PLCB4: variants seen among roughly 807,000 people sequenced by gnomAD.
PLCB4 encodes 1-phosphatidylinositol 4,5-bisphosphate phosphodiesterase beta-4.
PLCB4 carries 77 observed loss-of-function variants against 178.8 expected under a neutral mutation model. That is an observed-to-expected ratio of 0.43 (90% CI 0.36 to 0.52). PLCB4 has a LOEUF of 0.52. Ranked by LOEUF, PLCB4 falls within the 20% of genes least tolerant of loss-of-function variation. The pLI is 0.00. For missense variants in PLCB4, 1,024 were observed against 1,453.4 expected (o/e 0.70, Z 4.80); for synonymous variants, 496 against 490.8 (o/e 1.01, Z -0.14).
chr20:9,455,032 A>C (rs1242058001), intron 33 of PLCB4, among the ~76,000 whole-genome samples: 1 of 152,216 alleles, frequency 6.6e-6, no homozygotes, highest in Non-Finnish European at 1.5e-5. Flanking sequence ...GGTAGTGATT[A>C]CAGTAAGTTT....
At chr20:9,138,565 C>A (rs2092428965) in intron 2 of PLCB4, among the ~76,000 whole-genome samples, 1 of 152,016 alleles carries the variant, frequency 6.6e-6, no homozygotes, top group Non-Finnish European at 1.5e-5. Context: ...ACTAAATTTG[C>A]CATTACACAA....
At chr20:9,147,865 T>A (rs1192907342) in intron 2 of PLCB4, among the ~76,000 whole-genome samples, 2 of 151,952 alleles carry the variant, frequency 1.3e-5, no homozygotes, top group African/African-American at 4.8e-5. Context: ...GGAGGGAGAA[T>A]TGTGCTCTTT....
chr20:9,137,203 C>G (rs1189236634), intron 2 of PLCB4, among the ~76,000 whole-genome samples: 1 of 152,100 alleles, frequency 6.6e-6, no homozygotes, highest in East Asian at 1.9e-4. Context: ...GGTAAATAAC[C>G]TCTTATTAAA....
At chr20:9,327,339 C>CATG (rs2030791132) in intron 4 of PLCB4, among the ~76,000 whole-genome samples, 1 of 151,472 alleles carries the variant, frequency 6.6e-6, no homozygotes, top group African/African-American at 2.4e-5. Flanking sequence ...CCTAGCTACT[C>CATG]ATGAGGCTGA....
At chr20:9,077,250 G>A (rs1365806877) in intron 1 of PLCB4, among the ~76,000 whole-genome samples, 1 of 152,146 alleles carries the variant, frequency 6.6e-6, no homozygotes, top group African/African-American at 2.4e-5. Context: ...AAAGATTCAA[G>A]ATCTTTGTTC....
Position 9,362,963 on chromosome 20 carries a change from G to A in PLCB4, c.437G>A (p.Cys146Tyr), listed in dbSNP as rs2035475071. The change falls in exon 8 of 40, where the codon TGC (cysteine) becomes TAC (tyrosine). Residue 146 changes from cysteine (C) to tyrosine (Y), a missense_variant. Around this residue, in one of 7 missense-constraint regions of PLCB4, gnomAD observed 225 missense variants for 291.0 expected, o/e 0.77. Coordinates refer to ENST00000378473, the MANE Select transcript of PLCB4 (RefSeq NM_001377142.1). The part of the protein sequence containing the change: ...FRANNVSPMT[C>Y]LKKHWMKLAF... ...GCCAACAACGTCAGTCCAATGACAT[G>A]CCTCAAGAAACAGTGAGTGTTGTTT... The A allele has an allele frequency of 1.2e-6, 2 of 1,608,972 alleles. No homozygotes were observed. The highest frequency in any genetic ancestry group is 4.5e-5 in the East Asian group (2 of 44,842).
intron 3 of PLCB4, among the ~76,000 whole-genome samples, chr20:9,304,803 CT>C (rs1568555297): frequency 6.6e-6 from 1 of 150,654 alleles, no homozygotes; most frequent in South Asian, 2.1e-4. Flanking sequence ...CACCTGTTTT[CT>C]TTTTTTCTTA....
rs77005093 is a variant in PLCB4, at chr20:9,247,062, C to T, written c.-16+29610C>T. Among the ~76,000 whole-genome samples, 936 of 152,090 alleles carry T rather than the reference C, an allele frequency of 6.2e-3. 33 individuals carry two copies. The East Asian group carries it at 0.071, about 12-fold the overall frequency. On this transcript the variant is annotated intron_variant, in intron 3 of 39. Coordinates refer to ENST00000378473, the MANE Select transcript of PLCB4 (RefSeq NM_001377142.1). Reference sequence around the variant, plus strand: ...ATTTCAAAGTAGTGATGACAGTACCCAGCATATTAAGATACTTCAACATCA... The same window carrying T: ...ATTTCAAAGTAGTGATGACAGTACCTAGCATATTAAGATACTTCAACATCA...
intron 3 of PLCB4, among the ~76,000 whole-genome samples, chr20:9,272,415 C>A (rs1364080127): frequency 6.6e-6 from 1 of 151,922 alleles, no homozygotes; most frequent in Non-Finnish European, 1.5e-5. Context: ...AATCAGAAGT[C>A]TAAAATGGGG....
At chr20:9,401,306 C>T (rs1033009301) in intron 19 of PLCB4, among the ~76,000 whole-genome samples, 184 bp from the exon 20 acceptor site, 11 of 152,090 alleles carry the variant, frequency 7.2e-5, no homozygotes, top group African/African-American at 2.2e-4. Flanking sequence ...TGCTCCTTGA[C>T]GTTGAATAGG....
At chr20:9,314,871 A>ATT in intron 4 of PLCB4, among the ~76,000 whole-genome samples, 1 of 149,784 alleles carries the variant, frequency 6.7e-6, no homozygotes, top group Non-Finnish European at 1.5e-5. Flanking sequence ...AGGGTAGAGG[A>ATT]ATTTTTTTTT....
chr20:9,394,271 A>T (rs2148430362), intron 18 of PLCB4, among the ~76,000 whole-genome samples: 1 of 152,302 alleles, frequency 6.6e-6, no homozygotes, highest in Non-Finnish European at 1.5e-5. Context: ...TAAATGAAAA[A>T]TTTTAAATTA....
At chr20:9,352,270 G>A (rs929499738) in intron 7 of PLCB4, among the ~76,000 whole-genome samples, 2 of 152,132 alleles carry the variant, frequency 1.3e-5, no homozygotes, top group Non-Finnish European at 2.9e-5. Flanking sequence ...GTGAATATAG[G>A]CATTAATGTA....
intron 33 of PLCB4, 119 bp from the exon 34 acceptor site, chr20:9,457,295 G>A (rs2043114213): frequency 1.5e-6 from 1 of 670,924 alleles, no homozygotes; most frequent in Non-Finnish European, 2.7e-6. Context: ...TGCCCAATGA[G>A]CCATGACATC....
intron 2 of PLCB4, among the ~76,000 whole-genome samples, chr20:9,130,112 G>A (rs13041524): frequency 0.11 from 16,917 of 152,142 alleles, 1,174 homozygotes; most frequent in South Asian, 0.26. Flanking sequence ...AGATGAAAAT[G>A]CAATGCAGCC....
At chr20:9,428,554 C>G (rs1299291824) in intron 28 of PLCB4, among the ~76,000 whole-genome samples, 2 of 152,108 alleles carry the variant, frequency 1.3e-5, no homozygotes, top group Non-Finnish European at 2.9e-5. Flanking sequence ...TTCTACCATT[C>G]TAGGAAATGC....
chr20:9,190,067 C>T (rs1258259379), intron 2 of PLCB4, among the ~76,000 whole-genome samples: 1 of 152,156 alleles, frequency 6.6e-6, no homozygotes, highest in East Asian at 1.9e-4. Context: ...TGCTTCACAC[C>T]AAAGTAAGGA....
intron 32 of PLCB4, among the ~76,000 whole-genome samples, chr20:9,453,064 G>A (rs1346512727): frequency 6.6e-6 from 1 of 152,212 alleles, no homozygotes; most frequent in East Asian, 1.9e-4. Context: ...ATATGTAGAA[G>A]AAAGGACTTC....
chr20:9,282,861 C>T (rs2094505904), intron 3 of PLCB4, among the ~76,000 whole-genome samples: 1 of 151,974 alleles, frequency 6.6e-6, no homozygotes, highest in South Asian at 2.1e-4. Flanking sequence ...TATGTGGCCT[C>T]TCATCTTCCA....
Sources: gnomAD v4.1 joint callset for allele counts (sites outside exome capture counted in the v4.1 genomes callset) on GRCh38, gnomAD v4.1.1 for gene constraint, gnomAD v4.1.1 regional missense constraint, MANE v1.5 for transcripts, NCBI Gene and HGNC (gene_info 2026-07-23, HGNC 2026-07-21) for gene names.